MAD1L1: variants seen among roughly 807,000 people sequenced by gnomAD.
MAD1L1 encodes the protein mitotic arrest deficient 1 like 1.
MAD1L1 carries 95 observed loss-of-function variants against 96.9 expected under a neutral mutation model. The ratio of observed to expected loss-of-function variants is 0.98; its 90% confidence interval spans 0.83 to 1.16. The LOEUF is 1.16. MAD1L1 is among the 50% of genes most tolerant of loss of function. The probability of loss-of-function intolerance (pLI) is 0.00; values close to 1 mark genes in which losing one functional copy is unlikely to be tolerated. For missense variants in MAD1L1, 1,007 were observed against 954.4 expected, an observed-to-expected ratio of 1.06 and a Z score of -0.73; for synonymous variants, 473 against 396.6, an observed-to-expected ratio of 1.19 and a Z score of -2.29.
intron 11 of MAD1L1, among the ~76,000 whole-genome samples, chr7:2,077,003 A>G (rs1242392968): frequency 6.8e-6 from 1 of 147,858 alleles, no homozygotes; most frequent in Non-Finnish European, 1.5e-5. Context: ...GTTATGACAC[A>G]GTGAGCTCAC....
chr7:2,228,412 C>A (rs1794020264), intron 3 of MAD1L1, among the ~76,000 whole-genome samples: 1 of 151,950 alleles, frequency 6.6e-6, no homozygotes, highest in Admixed American at 6.6e-5. Context: ...GTGCCCACAC[C>A]CGCCTAATTT....
At chr7:2,165,568 G>A (rs1267434795) in intron 10 of MAD1L1, among the ~76,000 whole-genome samples, 1 of 97,406 alleles carries the variant, frequency 1.0e-5, no homozygotes, top group Non-Finnish European at 2.2e-5. Context: ...GCACAGCAGG[G>A]AGCTGAAATG....
At chr7:2,093,244 CAAA>C (rs10654575) in intron 11 of MAD1L1, among the ~76,000 whole-genome samples, 2 of 101,048 alleles carry the variant, frequency 2.0e-5, no homozygotes, top group Admixed American at 1.2e-4. Context: ...GACTCCGTGT[CAAA>C]AAAAAAAAAA....
At chr7:2,150,045 G>A (rs952009770) in intron 10 of MAD1L1, among the ~76,000 whole-genome samples, 20 of 152,178 alleles carry the variant, frequency 1.3e-4, no homozygotes, top group African/African-American at 4.8e-4. Flanking sequence ...TGGACCAAGC[G>A]CAGGTCCACA....
chr7:1,857,475 C>A (rs546482214), intron 18 of MAD1L1, among the ~76,000 whole-genome samples: 14 of 152,342 alleles, frequency 9.2e-5, no homozygotes, highest in Admixed American at 7.8e-4. Context: ...CACAGTCCCC[C>A]ACCCCGCGTG....
chr7:2,182,098 A>G (rs763983584), intron 10 of MAD1L1, among the ~76,000 whole-genome samples: 1 of 152,148 alleles, frequency 6.6e-6, no homozygotes, highest in Non-Finnish European at 1.5e-5. Flanking sequence ...ATGCAATCAA[A>G]CACCACGTTC....
intron 16 of MAD1L1, among the ~76,000 whole-genome samples, chr7:1,947,365 C>A (rs1562552054): frequency 6.6e-6 from 1 of 152,226 alleles, no homozygotes; most frequent in African/African-American, 2.4e-5. Context: ...GAAGCAGCGA[C>A]AAGAGGGGAA....
intron 18 of MAD1L1, among the ~76,000 whole-genome samples, chr7:1,831,437 G>A (rs528872951): frequency 2.6e-5 from 4 of 152,118 alleles, no homozygotes; most frequent in Non-Finnish European, 4.4e-5. Context: ...CCTGAGACAC[G>A]ACCGTCACAA....
At chr7:2,006,309 G>A (rs1782027448) in intron 13 of MAD1L1, among the ~76,000 whole-genome samples, 1 of 152,186 alleles carries the variant, frequency 6.6e-6, no homozygotes, top group Non-Finnish European at 1.5e-5. Flanking sequence ...GGGAGCGGGT[G>A]TGGACAGGGC....
At chr7:2,219,261 C>T (rs1315112591) in intron 6 of MAD1L1, 71 bp downstream of exon 6, 3 of 1,415,788 alleles carry the variant, frequency 2.1e-6, no homozygotes, top group Non-Finnish European at 2.9e-6. Flanking sequence ...CACCCAGCCA[C>T]CAGGAGAGAG....
chr7:1,828,727 A>AAG (rs1782555094), intron 18 of MAD1L1, among the ~76,000 whole-genome samples: 2 of 147,146 alleles, frequency 1.4e-5, no homozygotes, highest in Non-Finnish European at 3.0e-5. Flanking sequence ...GCACAGGCAC[A>AAG]CGCACACATG....
At position 1,968,747 on chromosome 7, in the gene MAD1L1, G is replaced by C. The variant is rs1196565691; in HGVS notation, c.1506-11028C>G. The stretch of plus-strand genomic sequence containing the variant: ...AAAACCACCATCTCAGGTTAACAAT[G>C]AAACACATCACACAAGCTCGCTTCG... On this transcript the variant is annotated intron_variant, in intron 15 of 18. Coordinates refer to ENST00000265854, the MANE Select transcript of MAD1L1 (RefSeq NM_001013836.2). This position sits in a 1 kb window ranked among gnomAD's most constrained non-coding sequence, Gnocchi z 5.6. Among the ~76,000 whole-genome samples, 3 of 152,244 alleles carry C rather than the reference G, an allele frequency of 2.0e-5. No homozygotes were observed. The highest frequency in any genetic ancestry group is 7.2e-5 in the African/African-American group (3 of 41,454).
In MAD1L1 at chr7:1,816,098, T is replaced by C. The variant is rs1263664861; in HGVS notation, c.2129A>G (p.Glu710Gly). 2 of 1,612,002 alleles carry C rather than the reference T, an allele frequency of 1.2e-6. No individual in the cohort carries two copies. The highest frequency in any genetic ancestry group is 1.7e-6 in the Non-Finnish European group (2 of 1,179,596). The change falls in exon 19 of 19, where the codon GAG becomes GGG. Residue 710 changes from glutamate to glycine, a missense_variant. By Grantham distance (98) the Glu-to-Gly change is moderately conservative. Transcript: ENST00000265854. ...IPAFLSSLTL[E>G]LFSRQTVA ...CGCCACGGTCTGGCGGCTGAAGAGC[T>C]CGAGGGTGAGCGAGCTGAGGAAGGC...
At chr7:1,981,739 T>C (rs7807786) in intron 14 of MAD1L1, among the ~76,000 whole-genome samples, 151,319 of 152,226 alleles carry the variant, frequency 0.99, 75,216 homozygotes, top group Middle Eastern at 1. Context: ...TGGAATGATG[T>C]GAGGGGGACA....
chr7:1,846,900 C>T (rs1783657871), intron 18 of MAD1L1: 1 of 281,128 alleles, frequency 3.6e-6, no homozygotes, highest in Non-Finnish European at 6.9e-6. Flanking sequence ...CTGCTGTTTG[C>T]TCTCTGCCAG....
At chr7:2,036,893 C>A (rs1175419575) in intron 12 of MAD1L1, among the ~76,000 whole-genome samples, 1 of 152,170 alleles carries the variant, frequency 6.6e-6, no homozygotes, top group East Asian at 1.9e-4. Flanking sequence ...CCCACCAACG[C>A]CACTCATACC....
chr7:1,856,902 C>G (rs1784285801), intron 18 of MAD1L1, among the ~76,000 whole-genome samples: 1 of 152,140 alleles, frequency 6.6e-6, no homozygotes, highest in South Asian at 2.1e-4. Flanking sequence ...TGTGTGTCCC[C>G]AGGGAGGCCT....
intron 16 of MAD1L1, among the ~76,000 whole-genome samples, chr7:1,939,701 C>A (rs1483263073): frequency 2.0e-5 from 3 of 152,256 alleles, no homozygotes; most frequent in Non-Finnish European, 1.5e-5. Flanking sequence ...GTGTTCAGAT[C>A]ACCCCACGCT....
intron 10 of MAD1L1, among the ~76,000 whole-genome samples, chr7:2,155,068 G>A (rs1189081337): frequency 6.6e-6 from 1 of 152,196 alleles, no homozygotes. Context: ...AGCAGCACGG[G>A]AGCCGGAGAG....
Sources: allele counts gnomAD v4.1 joint callset (sites outside exome capture counted in the v4.1 genomes callset), GRCh38; gene constraint gnomAD v4.1.1; non-coding constraint Gnocchi (gnomAD v3.1); transcripts MANE v1.5; gene names NCBI Gene and HGNC (gene_info 2026-07-23, HGNC 2026-07-21).